The following ASAP1 variants were observed in gnomAD, a reference collection of about 807,000 sequenced individuals.
ASAP1 encodes the protein ArfGAP with SH3 domain, ankyrin repeat and PH domain 1.
A neutral mutation model predicts 145.2 loss-of-function variants in ASAP1; 43 were observed. The observed-to-expected ratio is 0.30, with a 90% CI of 0.23 to 0.38. ASAP1 has a LOEUF of 0.38. ASAP1 is among the 10% of genes least tolerant of loss of function. The pLI, the probability that ASAP1 is intolerant of heterozygous loss-of-function variation, is 1.00. For missense variants in ASAP1, 1,018 were observed against 1,355.3 expected (o/e 0.75, Z 3.91); for synonymous variants, 546 against 515.5 (o/e 1.06, Z -0.80).
intron 24 of ASAP1, among the ~76,000 whole-genome samples, chr8:130,097,201 T>G (rs1390970063): frequency 1.4e-5 from 2 of 146,900 alleles, no homozygotes; most frequent in Non-Finnish European, 3.0e-5. Context: ...CTGGTGCCTG[T>G]TCTCACCACC....
intron 3 of ASAP1, among the ~76,000 whole-genome samples, chr8:130,257,505 T>TA (rs908446288): frequency 2.6e-4 from 39 of 151,992 alleles, no homozygotes; most frequent in South Asian, 2.1e-3. Context: ...TAGGTCTGGT[T>TA]AAAAAAAACA....
chr8:130,100,342 T>C (rs553633394), intron 24 of ASAP1, among the ~76,000 whole-genome samples: 1 of 147,824 alleles, frequency 6.8e-6, no homozygotes, highest in South Asian at 2.1e-4. Context: ...TTCTTTCTTT[T>C]TTTTGAGACG....
chr8:130,248,480 T>C lies in ASAP1; in HGVS notation c.187-11486A>G, dbSNP rs933801765. 4.6e-5 allele frequency among the ~76,000 whole-genome samples: 7 copies of C among 152,098 alleles called. No individual in the cohort carries two copies. The South Asian group carries it at 1.5e-3, about 32-fold the overall frequency. ...AGTGGCCACAGGAGGGATGAAGAGA[T>C]ACACTGGGACCCATCACACAGGGAG... On this transcript the variant is annotated intron_variant, in intron 3 of 29. Coordinates refer to ENST00000518721, the MANE Select transcript of ASAP1 (RefSeq NM_018482.4).
intron 28 of ASAP1, 31 bp downstream of exon 28, chr8:130,060,548 T>C (rs1263785189): frequency 4.5e-6 from 7 of 1,565,912 alleles, no homozygotes; most frequent in Non-Finnish European, 6.0e-6. Flanking sequence ...CGGAATAGGG[T>C]TCCTAAGGGC....
At chr8:130,347,033 G>C (rs1825739108) in intron 3 of ASAP1, among the ~76,000 whole-genome samples, 1 of 152,184 alleles carries the variant, frequency 6.6e-6, no homozygotes, top group African/African-American at 2.4e-5. Flanking sequence ...AAAGCCATTA[G>C]TCCTCACTGG....
chr8:130,111,802 A>G (rs2097547343), intron 24 of ASAP1, among the ~76,000 whole-genome samples: 2 of 152,138 alleles, frequency 1.3e-5, no homozygotes, highest in Non-Finnish European at 2.9e-5. Flanking sequence ...AGTGTATCTC[A>G]TTGAGCCTTA....
intron 3 of ASAP1, among the ~76,000 whole-genome samples, chr8:130,276,583 C>A (rs959244533): frequency 4.6e-5 from 7 of 151,854 alleles, no homozygotes; most frequent in Admixed American, 2.0e-4. Flanking sequence ...AGTACCTCAG[C>A]CACAGCTGAG....
chr8:130,346,212 A>C (rs1301271799), intron 3 of ASAP1, among the ~76,000 whole-genome samples: 1 of 152,250 alleles, frequency 6.6e-6, no homozygotes, highest in Non-Finnish European at 1.5e-5. Context: ...AGGTACTTAC[A>C]ATCTACTAAA....
chr8:130,104,669 T>A (rs1425971426), intron 24 of ASAP1, among the ~76,000 whole-genome samples: 1 of 152,244 alleles, frequency 6.6e-6, no homozygotes, highest in African/African-American at 2.4e-5. Flanking sequence ...AAAAATTAAA[T>A]TTATGTTCAA....
intron 9 of ASAP1, among the ~76,000 whole-genome samples, chr8:130,170,194 T>C (rs1041513506): frequency 7.1e-5 from 1 of 14,104 alleles, no homozygotes; most frequent in South Asian, 3.9e-3. Context: ...AGGAATATCT[T>C]TTTTTTTTTT....
At chr8:130,184,841 A>G (rs1172896655) in intron 7 of ASAP1, among the ~76,000 whole-genome samples, 1 of 152,200 alleles carries the variant, frequency 6.6e-6, no homozygotes, top group Non-Finnish European at 1.5e-5. Context: ...TCAACACACT[A>G]CCTTATCTCG....
intron 4 of ASAP1, among the ~76,000 whole-genome samples, chr8:130,215,660 T>C (rs1024642747): frequency 1.3e-5 from 2 of 151,778 alleles, no homozygotes; most frequent in Non-Finnish European, 2.9e-5. Context: ...AGGAGAATGG[T>C]GTGAACCTGG....
chr8:130,353,154 A>G (rs1826097637), intron 3 of ASAP1, among the ~76,000 whole-genome samples: 1 of 152,204 alleles, frequency 6.6e-6, no homozygotes, highest in Admixed American at 6.5e-5. Flanking sequence ...AAAGAGTTTT[A>G]GCCTTATTTC....
chr8:130,132,074 A>G (rs1045566389), intron 15 of ASAP1, among the ~76,000 whole-genome samples: 1 of 140,480 alleles, frequency 7.1e-6, no homozygotes. Flanking sequence ...GGAAGAGAGA[A>G]TGAAATCGGA....
At chr8:130,290,524 T>C (rs1188690638) in intron 3 of ASAP1, among the ~76,000 whole-genome samples, 2 of 152,178 alleles carry the variant, frequency 1.3e-5, no homozygotes, top group African/African-American at 2.4e-5. Flanking sequence ...ACCAGGGCTA[T>C]TATGGTGCCT....
chr8:130,362,267 C>T (rs1189776738), intron 2 of ASAP1, among the ~76,000 whole-genome samples: 1 of 152,106 alleles, frequency 6.6e-6, no homozygotes, highest in Non-Finnish European at 1.5e-5. Context: ...CAGAGGTGCT[C>T]TGTGGGCCCA....
chr8:130,360,026 CA>C (rs1279424598), intron 2 of ASAP1, among the ~76,000 whole-genome samples: 1 of 152,234 alleles, frequency 6.6e-6, no homozygotes, highest in Non-Finnish European at 1.5e-5. Flanking sequence ...GCCTGCTACA[CA>C]GAAGTAGCAG....
Position 130,214,539 on chromosome 8 carries a change from C to A in ASAP1, c.405+17G>T, listed in dbSNP as rs964662153. Reference sequence around the variant, plus strand: ...GAAAGGCTGTAATTCTTTTTACTCACATATGAAATGTCTTACCAGATTTTT... The same window carrying A: ...GAAAGGCTGTAATTCTTTTTACTCAAATATGAAATGTCTTACCAGATTTTT... On this transcript the variant is annotated intron_variant, in intron 5 of 29. Coordinates refer to ENST00000518721, the MANE Select transcript of ASAP1 (RefSeq NM_018482.4). 1.1e-5 allele frequency: 18 copies of A among 1,581,204 alleles called. No individual in the cohort carries two copies. The highest frequency in any genetic ancestry group is 1.5e-5 in the Non-Finnish European group (17 of 1,166,674).
intron 4 of ASAP1, among the ~76,000 whole-genome samples, chr8:130,217,498 T>TTATATGTGTA (rs749522314): frequency 6.0e-5 from 9 of 151,076 alleles, no homozygotes; most frequent in East Asian, 3.9e-4. Flanking sequence ...TATATGTATA[T>TTATATGTGTA]TATATGTGTA....
Sources: allele counts gnomAD v4.1 joint callset (sites outside exome capture counted in the v4.1 genomes callset), GRCh38; gene constraint gnomAD v4.1.1; transcripts MANE v1.5; gene names NCBI Gene and HGNC (gene_info 2026-07-23, HGNC 2026-07-21).